The following NLGN1 variants were observed in gnomAD, a reference collection of about 807,000 sequenced individuals.
The protein encoded by NLGN1 is neuroligin 1.
In NLGN1, 12 loss-of-function variants were observed where a neutral mutation model predicts 65.5. The ratio of observed to expected loss-of-function variants is 0.18; its 90% CI spans 0.12 to 0.30. NLGN1 has a LOEUF of 0.30. Among genes scored for constraint, NLGN1 ranks in the 10% least tolerant of loss-of-function variants. NLGN1 has a pLI of 1.00. For synonymous variants in NLGN1, 350 were observed against 359.5 expected, an observed-to-expected ratio of 0.97 and a Z score of 0.30; for missense variants, 750 against 1,007.1, an observed-to-expected ratio of 0.74 and a Z score of 3.46.
At chr3:174,287,421 AAC>A (rs1202627233), downstream of NLGN1, among the ~76,000 whole-genome samples, 9 of 151,570 alleles carry the variant, frequency 5.9e-5, no homozygotes, top group Non-Finnish European at 1.0e-4. Flanking sequence ...TAATAAATTA[AAC>A]AGTTAAAAAA....
At chr3:173,734,506 C>T (rs1773425182) in intron 3 of NLGN1, among the ~76,000 whole-genome samples, 1 of 148,188 alleles carries the variant, frequency 6.7e-6, no homozygotes, top group African/African-American at 2.5e-5. Context: ...AAGTCGTTCT[C>T]CTGCCTCAGT....
At chr3:173,452,283 C>T (rs1319970197) in intron 2 of NLGN1, among the ~76,000 whole-genome samples, 3 of 151,720 alleles carry the variant, frequency 2.0e-5, no homozygotes, top group Non-Finnish European at 4.4e-5. Flanking sequence ...GTAAGCTCTT[C>T]CTCCCGGGTT....
chr3:174,290,767 G>A (rs549320), downstream of NLGN1, among the ~76,000 whole-genome samples: 79,232 of 150,620 alleles, frequency 0.53, 21,683 homozygotes, highest in East Asian at 0.69. Flanking sequence ...TGGGAATAAA[G>A]GACATGTCTG....
chr3:174,265,783 G>GTGTA (rs1309437479), intron 4 of NLGN1, among the ~76,000 whole-genome samples: 1,549 of 128,480 alleles, frequency 0.012, 18 homozygotes, highest in Middle Eastern at 0.026. Context: ...ATATATATAT[G>GTGTA]TATATATATA....
chr3:173,855,214 A>G lies in NLGN1; in HGVS notation c.646+47382A>G, dbSNP rs955455940. Reference sequence around the variant, plus strand: ...AGAATTTATATTTTAAAATTTAGTCATATCTGTATGTAATCCCAAGTTGCT... The same window carrying G: ...AGAATTTATATTTTAAAATTTAGTCGTATCTGTATGTAATCCCAAGTTGCT... On this transcript the variant is annotated intron_variant, in intron 4 of 6. Transcript: ENST00000457714. 4.6e-5 allele frequency among the ~76,000 whole-genome samples: 7 copies of G among 152,242 alleles called. No individual in the cohort carries two copies. The South Asian group carries it at 1.2e-3, about 27-fold the overall frequency.
intron 1 of NLGN1, among the ~76,000 whole-genome samples, chr3:173,425,681 T>C (rs1715961316): frequency 6.6e-6 from 1 of 152,162 alleles, no homozygotes; most frequent in Admixed American, 6.5e-5. Context: ...CTCTGTGCTA[T>C]TCCATTAGTT....
intron 2 of NLGN1, among the ~76,000 whole-genome samples, chr3:173,448,476 G>A (rs2148830181): frequency 6.6e-6 from 1 of 152,278 alleles, no homozygotes; most frequent in African/African-American, 2.4e-5. Context: ...GTATTTTATT[G>A]AGGATTTTTG....
chr3:174,178,134 T>C (rs963049471), intron 4 of NLGN1, among the ~76,000 whole-genome samples: 9 of 152,124 alleles, frequency 5.9e-5, no homozygotes, highest in African/African-American at 2.2e-4. Flanking sequence ...TTTAACTATT[T>C]AGAAGAATAA....
chr3:173,797,392 GT>G (rs1365977312), intron 3 of NLGN1, among the ~76,000 whole-genome samples: 4 of 152,054 alleles, frequency 2.6e-5, no homozygotes, highest in Non-Finnish European at 5.9e-5. Flanking sequence ...AAATACTGCT[GT>G]AATTCGTACT....
At chr3:173,487,202 T>C (rs778645964) in intron 2 of NLGN1, among the ~76,000 whole-genome samples, 6 of 152,086 alleles carry the variant, frequency 3.9e-5, no homozygotes, top group Non-Finnish European at 7.4e-5. Context: ...ACAAAACATA[T>C]ATGGTGTTCT....
At position 173,916,673 on chromosome 3, in the gene NLGN1, A is replaced by G. The variant is rs542340763; in HGVS notation, c.646+108841A>G. Reference sequence around the variant, plus strand: ...TTCCAGTGAGGCTTATACAAACAACATGAAAATTTCAGATGAGGCCACCTT... The same window carrying G: ...TTCCAGTGAGGCTTATACAAACAACGTGAAAATTTCAGATGAGGCCACCTT... On this transcript the variant is annotated intron_variant, in intron 4 of 6. Transcript: ENST00000457714. Among the ~76,000 whole-genome samples the G allele has an allele frequency of 3.9e-5, 6 of 152,248 alleles. No individual in the cohort carries two copies. The East Asian group carries it at 5.8e-4, about 15-fold the overall frequency.
chr3:174,080,408 T>C (rs1047620183), intron 4 of NLGN1, among the ~76,000 whole-genome samples: 2 of 152,148 alleles, frequency 1.3e-5, no homozygotes, highest in African/African-American at 4.8e-5. Context: ...GGAAGTAAAG[T>C]ACATTTGGAA....
At chr3:173,419,223 G>T (rs1159141787) in intron 1 of NLGN1, among the ~76,000 whole-genome samples, 1 of 151,008 alleles carries the variant, frequency 6.6e-6, no homozygotes, top group Non-Finnish European at 1.5e-5. Flanking sequence ...CAAAGTACAT[G>T]AGTATACATT....
At chr3:173,646,385 A>T (rs920679735) in intron 3 of NLGN1, among the ~76,000 whole-genome samples, 27 of 152,190 alleles carry the variant, frequency 1.8e-4, no homozygotes, top group African/African-American at 5.3e-4. Context: ...TTAAGAGTTC[A>T]CCACTTTCTC....
intron 3 of NLGN1, among the ~76,000 whole-genome samples, chr3:173,761,887 G>A (rs1199712818): frequency 1.3e-5 from 2 of 152,098 alleles, no homozygotes; most frequent in South Asian, 2.1e-4. Context: ...GCTAAGGATC[G>A]TCAGTCTGTG....
At chr3:173,407,936 C>T (rs957163240) in intron 1 of NLGN1, among the ~76,000 whole-genome samples, 2 of 152,102 alleles carry the variant, frequency 1.3e-5, no homozygotes, top group African/African-American at 2.4e-5. Context: ...AAAGAGTTTG[C>T]GTCCACTAAA....
intron 3 of NLGN1, among the ~76,000 whole-genome samples, chr3:173,782,815 C>A (rs1578408167): frequency 6.6e-6 from 1 of 151,854 alleles, no homozygotes; most frequent in South Asian, 2.1e-4. Context: ...CCCCTACCCC[C>A]CGCTCCCAGC....
intron 2 of NLGN1, among the ~76,000 whole-genome samples, chr3:173,558,923 G>A (rs1742175393): frequency 6.6e-6 from 1 of 152,084 alleles, no homozygotes; most frequent in Non-Finnish European, 1.5e-5. Flanking sequence ...TATCCAAGTA[G>A]GTAAGCTCTT....
chr3:173,865,141 G>A (rs1222778289), intron 4 of NLGN1, among the ~76,000 whole-genome samples: 1 of 152,068 alleles, frequency 6.6e-6, no homozygotes, highest in Non-Finnish European at 1.5e-5. Context: ...ACTGTTAGGT[G>A]GCATCTTTAG....
Sources: gnomAD v4.1 joint callset for allele counts (sites outside exome capture counted in the v4.1 genomes callset) on GRCh38, gnomAD v4.1.1 for gene constraint, MANE v1.5 for transcripts, NCBI Gene and HGNC (gene_info 2026-07-23, HGNC 2026-07-21) for gene names.